DCP1B: variants seen among roughly 807,000 people sequenced by gnomAD.
The protein encoded by DCP1B is decapping mRNA 1B.
In DCP1B, 47 loss-of-function variants were observed where a neutral mutation model predicts 60.5. The ratio of observed to expected loss-of-function variants is 0.78; its 90% CI spans 0.61 to 0.99. The LOEUF is 0.99. Among genes scored for constraint, DCP1B ranks in the 50% least tolerant of loss-of-function variants. The pLI, the probability that DCP1B is intolerant of heterozygous loss-of-function variation, is 0.00. For synonymous variants in DCP1B, 267 were observed against 280.3 expected (o/e 0.95, Z 0.47); for missense variants, 725 against 756.8 (o/e 0.96, Z 0.49).
chr12:1,981,755 G>T (rs981402982), intron 3 of DCP1B, among the ~76,000 whole-genome samples: 36 of 152,192 alleles, frequency 2.4e-4, no homozygotes, highest in African/African-American at 8.7e-4. Context: ...AGACATCACA[G>T]CTACACAGGG....
chr12:1,979,354 G>C (rs1200400474), intron 3 of DCP1B, among the ~76,000 whole-genome samples: 1 of 150,222 alleles, frequency 6.7e-6, no homozygotes. Flanking sequence ...TGGCTTCATC[G>C]CCCAGGCTGG....
intron 8 of DCP1B, among the ~76,000 whole-genome samples, chr12:1,947,280 C>T (rs2030467054): frequency 6.6e-6 from 1 of 152,188 alleles, no homozygotes; most frequent in Non-Finnish European, 1.5e-5. Flanking sequence ...TAGTAATTCA[C>T]CCACACTTCA....
At chr12:1,983,654 T>C (rs2036797314) in intron 3 of DCP1B, among the ~76,000 whole-genome samples, 1 of 152,092 alleles carries the variant, frequency 6.6e-6, no homozygotes, top group Non-Finnish European at 1.5e-5. Context: ...AAGGTTTATC[T>C]TGGGGAATGT....
chr12:1,963,788 G>A (rs910458827), intron 5 of DCP1B, among the ~76,000 whole-genome samples: 16 of 152,346 alleles, frequency 1.1e-4, no homozygotes, highest in African/African-American at 3.6e-4. Flanking sequence ...GGGTGATATA[G>A]ATGCTTACTG....
intron 3 of DCP1B, among the ~76,000 whole-genome samples, chr12:1,987,788 T>C (rs1310805822): frequency 6.6e-6 from 1 of 152,216 alleles, no homozygotes; most frequent in Admixed American, 6.5e-5. Context: ...CTATGTATTA[T>C]GATTTGCAGA....
chr12:1,973,786 A>ACTTATTCTGCT (rs1338044805), intron 3 of DCP1B, among the ~76,000 whole-genome samples: 1 of 152,202 alleles, frequency 6.6e-6, no homozygotes, highest in African/African-American at 2.4e-5. Context: ...AATAGAAACA[A>ACTTATTCTGCT]CTTATTCTGC....
Position 1,971,658 on chromosome 12 carries a change from T to A in DCP1B, c.320-3748A>T, listed in dbSNP as rs1273741017. ...GCTGGTCAAATTTTAAGAGGCTAGT[T>A]AAGGGGCCATTAAAGGCAGTGTCAT... On this transcript the variant is annotated intron_variant, in intron 3 of 8. Coordinates refer to ENST00000280665, the MANE Select transcript of DCP1B (RefSeq NM_152640.5). This position sits in a 1 kb window ranked among gnomAD's most constrained non-coding sequence, Gnocchi z 4.2. 6.6e-6 allele frequency among the ~76,000 whole-genome samples: 1 copy of A among 152,228 alleles called. No homozygotes were observed. The highest frequency in any genetic ancestry group is 1.5e-5 in the Non-Finnish European group (1 of 68,034).
intron 3 of DCP1B, among the ~76,000 whole-genome samples, chr12:1,985,237 T>A (rs2037361320): frequency 6.6e-6 from 1 of 152,186 alleles, no homozygotes; most frequent in Non-Finnish European, 1.5e-5. Flanking sequence ...TAGACTTCAA[T>A]GGCACAAATT....
chr12:1,992,030 TA>T, intron 3 of DCP1B: 1 of 338,448 alleles, frequency 3.0e-6, no homozygotes, highest in East Asian at 8.1e-5. Context: ...ATTCAAACTA[TA>T]AACAATTCAA....
intron 5 of DCP1B, chr12:1,961,290 G>A (rs1473367008): frequency 6.6e-6 from 1 of 152,212 alleles, no homozygotes; most frequent in African/African-American, 2.4e-5. Flanking sequence ...AAGGCTTGAA[G>A]ACTCCAAGGG....
intron 5 of DCP1B, among the ~76,000 whole-genome samples, chr12:1,956,988 G>C (rs1262063220): frequency 6.6e-6 from 1 of 152,120 alleles, no homozygotes; most frequent in Non-Finnish European, 1.5e-5. Flanking sequence ...GCTTTTCCTA[G>C]TTAAAATGTT....
rs756921559 is a variant in DCP1B at position 1,953,178 on chromosome 12, C to T, written c.762G>A (p.Gln254=). Residue 254 remains glutamine, a synonymous_variant, in exon 7 of 9, where the codon CAG becomes CAA. Transcript: ENST00000280665. The part of the protein sequence containing the change: ...VEPPQTLHQQ[Q]QQQQQQQEKL... ...TCTCTTGCTGCTGCTGCTGCTGCTG[C>T]TGCTGCTGGTGGAGAGTCTGCGGAG... 1 of 1,612,486 alleles carries T rather than the reference C, an allele frequency of 6.2e-7. No individual in the cohort carries two copies. The highest frequency in any genetic ancestry group is 1.3e-5 in the African/African-American group (1 of 74,814).
chr12:1,979,639 C>T (rs990999095), intron 3 of DCP1B, among the ~76,000 whole-genome samples: 11 of 152,194 alleles, frequency 7.2e-5, no homozygotes, highest in African/African-American at 1.4e-4. Flanking sequence ...TAACTACGAA[C>T]GGAACTTGTT....
intron 5 of DCP1B, among the ~76,000 whole-genome samples, chr12:1,960,259 G>A (rs2031074953): frequency 6.6e-6 from 1 of 152,230 alleles, no homozygotes. Flanking sequence ...GAACCTGGAG[G>A]ACATTACATT....
chr12:1,967,029 C>A (rs1176184318), intron 4 of DCP1B, among the ~76,000 whole-genome samples: 1 of 152,210 alleles, frequency 6.6e-6, no homozygotes, highest in African/African-American at 2.4e-5. Flanking sequence ...ACAGCACGTG[C>A]AGGAAACTCA....
chr12:1,950,635 T>C (rs988367790), intron 7 of DCP1B, among the ~76,000 whole-genome samples: 1 of 152,204 alleles, frequency 6.6e-6, no homozygotes, highest in African/African-American at 2.4e-5. Flanking sequence ...CCTAAGGTCT[T>C]TGTTTTCAAA....
At chr12:1,972,305 T>C (rs2032635112) in intron 3 of DCP1B, among the ~76,000 whole-genome samples, 1 of 152,228 alleles carries the variant, frequency 6.6e-6, no homozygotes, top group African/African-American at 2.4e-5. Context: ...TCTAATCATA[T>C]ATTTGTGTAA....
In DCP1B at chr12:1,952,906, C is replaced by A; in HGVS notation, c.1034G>T (p.Gly345Val). The A allele has an allele frequency of 1.2e-6, 2 of 1,614,190 alleles. No individual in the cohort carries two copies. The highest frequency in any genetic ancestry group is 1.7e-6 in the Non-Finnish European group (2 of 1,180,030). Residue 345 changes from glycine to valine, a missense_variant, in exon 7 of 9, where the codon GGT (glycine) becomes GTT (valine). Physicochemically the swap from Gly to Val is moderately radical, Grantham distance 109 (BLOSUM62 -3). Coordinates refer to ENST00000280665, the MANE Select transcript of DCP1B (RefSeq NM_152640.5). The part of the protein sequence containing the change: ...GSPHNIGTSR[G>V]VQNASRTQNL... ...CTGAGTTCTGGAAGCATTTTGTACA[C>A]CACGAGAAGTTCCAATGTTGTGAGG...
In DCP1B at chr12:2,004,408, G is replaced by A. The variant is rs1316086585; in HGVS notation, c.24C>T (p.Gly8=). 1 of 1,610,830 alleles carries A rather than the reference G, an allele frequency of 6.2e-7. No individual in the cohort carries two copies. The highest frequency in any genetic ancestry group is 2.2e-5 in the East Asian group (1 of 44,800). The change falls in exon 1 of 9, where the codon GGC becomes GGT. Residue 8 remains glycine, a synonymous_variant. Transcript: ENST00000280665. MAAVAAG[G]LVGKGRDISL... is the part of the protein sequence containing the mutation. ...TGATGTCGCGCCCCTTTCCCACCAG[G>A]CCGCCTGCCGCCACGGCTGCCATCT...
Sources: allele counts gnomAD v4.1 joint callset (sites outside exome capture counted in the v4.1 genomes callset), GRCh38; gene constraint gnomAD v4.1.1; non-coding constraint Gnocchi (gnomAD v3.1); transcripts MANE v1.5; gene names NCBI Gene and HGNC (gene_info 2026-07-23, HGNC 2026-07-21).